The following TMEM39B variants were observed in gnomAD, a reference collection of about 807,000 sequenced individuals.
TMEM39B encodes transmembrane protein 39B.
A neutral mutation model predicts 52.2 loss-of-function variants in TMEM39B; 23 were observed. That is an observed-to-expected ratio of 0.44 (90% CI 0.32 to 0.62). TMEM39B has a LOEUF of 0.62. TMEM39B is among the 20% of genes least tolerant of loss of function. The probability of loss-of-function intolerance (pLI) is 0.06; values close to 1 mark genes in which losing one functional copy is unlikely to be tolerated. For missense variants in TMEM39B, 547 were observed against 642.0 expected, an observed-to-expected ratio of 0.85 and a Z score of 1.60; for synonymous variants, 285 against 264.0, an observed-to-expected ratio of 1.08 and a Z score of -0.77.
At chr1:32,100,799 A>G in intron 8 of TMEM39B, 3 of 488,778 alleles carry the variant, frequency 6.1e-6, no homozygotes, top group East Asian at 4.2e-5. Flanking sequence ...ACCAAGGCAG[A>G]CAGATCACCT....
chr1:32,075,564 T>A, intron 2 of TMEM39B, 39 bp from the exon 3 acceptor site: 1 of 1,529,368 alleles, frequency 6.5e-7, no homozygotes, highest in Non-Finnish European at 8.8e-7. Flanking sequence ...GGTAGGATTC[T>A]CAGGTCAGCT....
chr1:32,072,944 C>G lies in TMEM39B; in HGVS notation c.-104C>G. 1 of 1,433,606 alleles carries G rather than the reference C, an allele frequency of 7.0e-7. No homozygotes were observed. Among genetic ancestry groups the G allele is most frequent in the Non-Finnish European group, 9.3e-7 (1 of 1,070,668 alleles). 88.8% of individuals were successfully genotyped at this position (1,433,606 alleles called of 1,614,324 possible). A position where few individuals can be genotyped will look rare whatever the true frequency, so the allele number is the denominator to read the frequency against. Reference sequence around the variant, plus strand: ...CGCGGCGGGAGCGCGCGGCTGATACCCGGGACTGGGCTGCGGCGGTTAGTC... The same window carrying G: ...CGCGGCGGGAGCGCGCGGCTGATACGCGGGACTGGGCTGCGGCGGTTAGTC... On this transcript the variant is annotated 5_prime_UTR_variant, in exon 1 of 9. Transcript: ENST00000336294.
rs1051879982 is a variant in TMEM39B, at chr1:32,092,142, TG to T, written c.927+132del. The T allele has an allele frequency of 1.6e-4, 130 of 820,018 alleles. 1 individual carries two copies. The African/African-American group carries it at 2.0e-3, about 13-fold the overall frequency. The allele number at this position is 820,018 out of a possible 1,614,324, so 50.8% of individuals were successfully genotyped here. On this transcript the variant is annotated intron_variant, in intron 6 of 8. Coordinates refer to ENST00000336294, the MANE Select transcript of TMEM39B (RefSeq NM_018056.4). ...ATTTCCCATCTCTGGAGGACTGGAG[TG>T]ACTACTATCTCCATTTTATTTTTTA...
chr1:32,100,637 C>T, intron 8 of TMEM39B, 75 bp downstream of exon 8: 1 of 1,587,632 alleles, frequency 6.3e-7, no homozygotes, highest in Non-Finnish European at 8.6e-7. Context: ...AATGTGATGT[C>T]ATTGCAAGAG....
rs143211068 is a variant in TMEM39B at position 32,091,783 on chromosome 1, A to G, written c.699A>G (p.Ala233=). The change falls in exon 6 of 9, where the codon GCA becomes GCG. Residue 233 remains alanine (A), a synonymous_variant. Coordinates refer to ENST00000336294, the MANE Select transcript of TMEM39B (RefSeq NM_018056.4). ...MGPREAVSGL[A]KSRDYLLTLR... is the part of the protein sequence containing the mutation. The stretch of plus-strand genomic sequence containing the variant: ...CCCGGGAGGCGGTCAGTGGCCTGGC[A>G]AAGAGCCGGGACTACCTCCTGACAC... 1.9e-5 allele frequency: 31 copies of G among 1,614,074 alleles called. No individual in the cohort carries two copies. The African/African-American group carries it at 3.3e-4, about 17-fold the overall frequency.
intron 5 of TMEM39B, among the ~76,000 whole-genome samples, chr1:32,079,189 T>C (rs1253012276): frequency 8.1e-5 from 12 of 148,422 alleles, no homozygotes; most frequent in Non-Finnish European, 1.3e-4. Flanking sequence ...TTCTTTCTTT[T>C]TTTTTTTTTT....
intron 5 of TMEM39B, among the ~76,000 whole-genome samples, chr1:32,082,832 T>C (rs1640164368): frequency 6.6e-6 from 1 of 151,934 alleles, no homozygotes; most frequent in Non-Finnish European, 1.5e-5. Context: ...TGTAGTGCAG[T>C]GGCACGATCT....
chr1:32,091,259 C>G (rs967813418), intron 5 of TMEM39B, among the ~76,000 whole-genome samples: 6 of 152,022 alleles, frequency 3.9e-5, no homozygotes, highest in Non-Finnish European at 8.8e-5. Flanking sequence ...GCTTCCTCAG[C>G]TGAAAAGGGG....
intron 8 of TMEM39B, 68 bp downstream of exon 8, chr1:32,100,630 G>A: frequency 6.3e-7 from 1 of 1,599,286 alleles, no homozygotes; most frequent in South Asian, 1.1e-5. Context: ...GGGCAGGAAT[G>A]TGATGTCATT....
chr1:32,091,548 G>A, intron 5 of TMEM39B, 127 bp from the exon 6 acceptor site: 1 of 1,068,940 alleles, frequency 9.4e-7, no homozygotes, highest in Non-Finnish European at 1.3e-6. Context: ...GGAAGGACTG[G>A]TAAATTCTCC....
chr1:32,097,654 T>C (rs1640862859), intron 7 of TMEM39B, among the ~76,000 whole-genome samples: 1 of 150,462 alleles, frequency 6.6e-6, no homozygotes, highest in Non-Finnish European at 1.5e-5. Flanking sequence ...TTTTTGTTTG[T>C]TTGTTTTTGA....
intron 5 of TMEM39B, among the ~76,000 whole-genome samples, chr1:32,079,185 C>CT (rs763260333): frequency 0.069 from 8,967 of 129,122 alleles, 562 homozygotes; most frequent in South Asian, 0.25. Flanking sequence ...CTATTTCTTT[C>CT]TTTTTTTTTT....
chr1:32,072,813 G>C (rs1569845047), upstream of TMEM39B: 47 of 544,468 alleles, frequency 8.6e-5, 1 homozygote, highest in South Asian at 1.0e-3. Context: ...CAGGAAGGGC[G>C]TGGGGGACCG....
chr1:32,082,975 C>T (rs1000566352), intron 5 of TMEM39B, among the ~76,000 whole-genome samples: 1 of 149,988 alleles, frequency 6.7e-6, no homozygotes, highest in Non-Finnish European at 1.5e-5. Context: ...GGGGTTTCAC[C>T]GTGTTAGCCA....
intron 5 of TMEM39B, among the ~76,000 whole-genome samples, chr1:32,089,507 C>T (rs879312380): frequency 2.6e-5 from 4 of 151,990 alleles, no homozygotes; most frequent in African/African-American, 4.8e-5. Flanking sequence ...TTTTATATTA[C>T]GGACTGTACA....
At chr1:32,097,862 G>T (rs1211146796) in intron 7 of TMEM39B, among the ~76,000 whole-genome samples, 2 of 151,466 alleles carry the variant, frequency 1.3e-5, no homozygotes, top group African/African-American at 4.9e-5. Context: ...TCAATCTCCT[G>T]ACCTCATGAT....
chr1:32,100,037 A>C (rs1161152220), intron 7 of TMEM39B, among the ~76,000 whole-genome samples: 1 of 151,924 alleles, frequency 6.6e-6, no homozygotes, highest in East Asian at 1.9e-4. Flanking sequence ...ACAAGATCGA[A>C]ACTCATTCTC....
Position 32,072,966 on chromosome 1 carries a change from A to G in TMEM39B, c.-82A>G. On this transcript the variant is annotated 5_prime_UTR_variant, in exon 1 of 9. Coordinates refer to ENST00000336294, the MANE Select transcript of TMEM39B (RefSeq NM_018056.4). ...TACCCGGGACTGGGCTGCGGCGGTT[A>G]GTCCTCTCCCGGCCGCCGTCGCCTC... 1 of 1,512,428 alleles carries G rather than the reference A, an allele frequency of 6.6e-7. No individual in the cohort carries two copies. Among genetic ancestry groups the G allele is most frequent in the Non-Finnish European group, 8.9e-7 (1 of 1,124,300 alleles). 93.7% of individuals were successfully genotyped at this position (1,512,428 alleles called of 1,614,324 possible).
intron 5 of TMEM39B, among the ~76,000 whole-genome samples, chr1:32,077,588 C>T (rs753299950): frequency 4.6e-5 from 7 of 152,110 alleles, no homozygotes; most frequent in Admixed American, 1.3e-4. Flanking sequence ...AAGGAACATT[C>T]CCAAGAGGGA....
Sources: allele counts gnomAD v4.1 joint callset (sites outside exome capture counted in the v4.1 genomes callset), GRCh38; gene constraint gnomAD v4.1.1; transcripts MANE v1.5; gene names NCBI Gene and HGNC (gene_info 2026-07-23, HGNC 2026-07-21).